Variants in KANK1 observed in about 807,000 individuals in gnomAD.
KANK1 encodes the protein KN motif and ankyrin repeat domain-containing protein 1.
Under a neutral mutation model 106.2 loss-of-function variants are expected in KANK1, and 109 were observed. The observed-to-expected ratio is 1.03, with a 90% CI of 0.88 to 1.20. KANK1 has a LOEUF of 1.20. KANK1 is among the 50% of genes most tolerant of loss of function. The probability of loss-of-function intolerance (pLI) is 0.00; values close to 1 mark genes in which losing one functional copy is unlikely to be tolerated. For synonymous variants in KANK1, 873 were observed against 652.2 expected (o/e 1.34, Z -5.16); for missense variants, 2,399 against 1,710.7 (o/e 1.40, Z -7.10).
At chr9:529,349 C>T (rs981908994) in intron 1 of KANK1, among the ~76,000 whole-genome samples, 4 of 150,984 alleles carry the variant, frequency 2.6e-5, no homozygotes, top group South Asian at 4.2e-4. Flanking sequence ...AGTGCAATGG[C>T]GCCACCATGC....
Position 684,163 on chromosome 9 carries a change from TTA to T in KANK1, c.37+7157_37+7158del, listed in dbSNP as rs1194246723. 1.3e-5 allele frequency: 13 copies of T among 985,176 alleles called. No individual in the cohort carries two copies. In the Admixed American group the frequency reaches 7.4e-4, roughly 56 times the overall value. 61.0% of individuals were successfully genotyped at this position (985,176 alleles called of 1,614,324 possible). The stretch of plus-strand genomic sequence containing the variant: ...GTTTTAACCTGTAGCCAGCTTCGCC[TTA>T]TAAGCTTTCTTGCCCCAAGCCTTGA... On this transcript the variant is annotated intron_variant, in intron 2 of 11. Coordinates refer to ENST00000382297, the MANE Select transcript of KANK1 (RefSeq NM_015158.5).
At chr9:610,313 G>C (rs1221189288) in intron 1 of KANK1, among the ~76,000 whole-genome samples, 1 of 152,150 alleles carries the variant, frequency 6.6e-6, no homozygotes, top group Non-Finnish European at 1.5e-5. Flanking sequence ...CATTCTCACT[G>C]AACTTCAGTC....
chr9:663,290 A>G (rs1308623235), intron 1 of KANK1, among the ~76,000 whole-genome samples: 1 of 152,234 alleles, frequency 6.6e-6, no homozygotes, highest in Non-Finnish European at 1.5e-5. Flanking sequence ...AAAAGCACTG[A>G]TGTTTTAGTT....
chr9:482,717 C>T (rs1055182590), intron 3 of KANK1, among the ~76,000 whole-genome samples: 6 of 152,222 alleles, frequency 3.9e-5, no homozygotes, highest in African/African-American at 1.4e-4. Flanking sequence ...GCTGGCCTAT[C>T]ATTGGATGTA....
intron 10 of KANK1, 143 bp from the exon 11 acceptor site, chr9:744,348 A>G (rs766957736): frequency 1.4e-4 from 127 of 905,000 alleles, no homozygotes; most frequent in Non-Finnish European, 2.0e-4. Flanking sequence ...TAGAGGTCCC[A>G]AAAAAGTTTC....
At chr9:566,039 G>C (rs1817719263) in intron 1 of KANK1, among the ~76,000 whole-genome samples, 1 of 152,094 alleles carries the variant, frequency 6.6e-6, no homozygotes, top group Non-Finnish European at 1.5e-5. Flanking sequence ...CCATTAGGCT[G>C]CAGTGTCTGT....
chr9:630,829 G>A (rs1037675693), intron 1 of KANK1, among the ~76,000 whole-genome samples: 1 of 151,860 alleles, frequency 6.6e-6, no homozygotes, highest in African/African-American at 2.4e-5. Flanking sequence ...CTTGAACCCG[G>A]GATGTAGAGG....
intron 2 of KANK1, among the ~76,000 whole-genome samples, chr9:709,275 C>T (rs181722226): frequency 3.1e-4 from 47 of 152,336 alleles, no homozygotes; most frequent in Middle Eastern, 3.4e-3. Context: ...TGCTTCTACT[C>T]ATGCTGCCAG....
chr9:668,197 T>A (rs146082093), intron 1 of KANK1, among the ~76,000 whole-genome samples: 23 of 152,336 alleles, frequency 1.5e-4, no homozygotes, highest in African/African-American at 5.5e-4. Flanking sequence ...TTCTGAATAG[T>A]TGAGTGAAGT....
intron 1 of KANK1, among the ~76,000 whole-genome samples, chr9:611,877 C>G (rs952955497): frequency 6.6e-6 from 1 of 152,144 alleles, no homozygotes; most frequent in African/African-American, 2.4e-5. Flanking sequence ...TGCCACCACA[C>G]CCGGCTAATT....
At chr9:598,241 C>T (rs1826714356) in intron 1 of KANK1, among the ~76,000 whole-genome samples, 1 of 151,716 alleles carries the variant, frequency 6.6e-6, no homozygotes, top group African/African-American at 2.4e-5. Context: ...TATACTAGTA[C>T]TACACCGTTT....
In KANK1 at chr9:604,653, G is replaced by A. The variant is rs191398650; in HGVS notation, c.-83-72237G>A. ...TCAAGACCAGTCTGGCCAACATGGC[G>A]AAACCTGTCTCTACTGAAAAAACAA... On this transcript the variant is annotated intron_variant, in intron 1 of 11. Transcript: ENST00000382297. Among the ~76,000 whole-genome samples the A allele has an allele frequency of 2.0e-4, 30 of 151,800 alleles. No individual in the cohort carries two copies. In the East Asian group the frequency reaches 4.6e-3, roughly 23 times the overall value.
At chr9:513,892 C>T (rs750182698) in intron 1 of KANK1, among the ~76,000 whole-genome samples, 5 of 152,268 alleles carry the variant, frequency 3.3e-5, no homozygotes, top group Non-Finnish European at 5.9e-5. Context: ...TGGTGCACAC[C>T]TGTAGTCCCA....
chr9:515,434 C>CTACA (rs1426796138), intron 1 of KANK1, among the ~76,000 whole-genome samples: 2 of 136,898 alleles, frequency 1.5e-5, no homozygotes, highest in Non-Finnish European at 3.0e-5. Context: ...TTCTGTTTCT[C>CTACA]TACACATTTA....
chr9:504,532 A>G (rs1408890197), upstream of KANK1, among the ~76,000 whole-genome samples: 1 of 151,178 alleles, frequency 6.6e-6, no homozygotes, highest in Non-Finnish European at 1.5e-5. Context: ...CGTTCTTCTC[A>G]CGCGCCGCTC....
chr9:565,312 C>T (rs1398847029), intron 1 of KANK1, among the ~76,000 whole-genome samples: 2 of 152,168 alleles, frequency 1.3e-5, no homozygotes, highest in African/African-American at 4.8e-5. Context: ...ATGGGAAAGT[C>T]AACCCTAAAG....
At chr9:659,948 C>T in intron 1 of KANK1, 1 of 173,156 alleles carries the variant, frequency 5.8e-6, no homozygotes, top group Admixed American at 6.1e-5. Context: ...CGCCACCGCC[C>T]GCTTTTGCAG....
At chr9:709,739 C>T (rs928295595) in intron 2 of KANK1, among the ~76,000 whole-genome samples, 4 of 151,956 alleles carry the variant, frequency 2.6e-5, no homozygotes, top group African/African-American at 9.7e-5. Context: ...CCTCAGCCTC[C>T]CAAGTAACTG....
intron 1 of KANK1, among the ~76,000 whole-genome samples, chr9:567,732 C>T (rs1164253208): frequency 2.0e-5 from 3 of 152,216 alleles, no homozygotes; most frequent in Non-Finnish European, 2.9e-5. Flanking sequence ...TAAGTCCCTT[C>T]CTCATGGAAC....
Sources: gnomAD v4.1 joint callset for allele counts (sites outside exome capture counted in the v4.1 genomes callset) on GRCh38, gnomAD v4.1.1 for gene constraint, MANE v1.5 for transcripts, NCBI Gene and HGNC (gene_info 2026-07-23, HGNC 2026-07-21) for gene names.